ESR1: variants seen among roughly 807,000 people sequenced by gnomAD.
ESR1 encodes the protein estrogen receptor.
ESR1 carries 12 observed loss-of-function variants against 52.7 expected under a neutral mutation model. The observed-to-expected ratio is 0.23, with a 90% confidence interval of 0.15 to 0.37. The LOEUF (loss-of-function observed/expected upper bound fraction) is 0.37, where lower values mean the gene tolerates loss of function less well. Among genes scored for constraint, ESR1 ranks in the 10% least tolerant of loss-of-function variants. The probability of loss-of-function intolerance (pLI) is 1.00; values close to 1 mark genes in which losing one functional copy is unlikely to be tolerated. For synonymous variants in ESR1, 305 were observed against 316.8 expected (o/e 0.96, Z 0.39); for missense variants, 584 against 779.7 (o/e 0.75, Z 2.99).
At chr6:151,943,921 G>A (rs1229529161) in intron 3 of ESR1, among the ~76,000 whole-genome samples, 5 of 152,138 alleles carry the variant, frequency 3.3e-5, no homozygotes, top group Non-Finnish European at 5.9e-5. Flanking sequence ...CCTGAAGTTT[G>A]TTATGGTGGT....
upstream of ESR1, among the ~76,000 whole-genome samples, chr6:151,806,555 T>TATATATAC (rs1408302409): frequency 4.2e-5 from 6 of 142,684 alleles, no homozygotes; most frequent in Non-Finnish European, 7.6e-5. Flanking sequence ...TATATATATA[T>TATATATAC]ATACACATAT....
At position 151,670,762 on chromosome 6, in the gene ESR1, G is replaced by GTTTT. The variant is rs35606990; in HGVS notation, n.73+14019_73+14022dup. 2.8e-3 allele frequency among the ~76,000 whole-genome samples: 240 copies of GTTTT among 85,742 alleles called. 1 individual carries two copies. The highest frequency in any genetic ancestry group is 4.6e-3 in the African/African-American group (93 of 20,254). 56.3% of individuals were successfully genotyped at this position (85,742 alleles called of 152,430 possible). On this transcript the variant is annotated intron_variant and non_coding_transcript_variant, in intron 1 of 2. Coordinates refer to the ESR1 transcript ENST00000473497. ...TTACACCCAGCTAATTTTTGTTTTC[G>GTTTT]TTTTTTTTTTTTTTTTTTTTTTTGA...
chr6:152,044,139 G>A (rs1024216224), intron 5 of ESR1, among the ~76,000 whole-genome samples: 1 of 152,072 alleles, frequency 6.6e-6, no homozygotes, highest in Non-Finnish European at 1.5e-5. Flanking sequence ...AAAGGTATTA[G>A]GTATAAAGTC....
intron 2 of ESR1, among the ~76,000 whole-genome samples, chr6:151,844,813 A>T (rs887170847): frequency 2.6e-5 from 4 of 152,234 alleles, no homozygotes; most frequent in African/African-American, 9.6e-5. Flanking sequence ...AAATAAAAAA[A>T]AAGTGTAAGA....
intron 4 of ESR1, among the ~76,000 whole-genome samples, chr6:151,982,302 A>G (rs728524): frequency 0.093 from 14,086 of 152,214 alleles, 1,329 homozygotes; most frequent in African/African-American, 0.24. Context: ...AAAGGCGCTT[A>G]TGTTTCCTTT....
chr6:152,038,544 C>G (rs548642713), intron 5 of ESR1, among the ~76,000 whole-genome samples: 2 of 152,176 alleles, frequency 1.3e-5, no homozygotes, highest in Admixed American at 6.5e-5. Flanking sequence ...ATACAACTAT[C>G]GTTCATACAA....
At chr6:151,720,951 T>A (rs1429680580) in intron 2 of ESR1, among the ~76,000 whole-genome samples, 1 of 152,196 alleles carries the variant, frequency 6.6e-6, no homozygotes, top group African/African-American at 2.4e-5. Context: ...GACACTATGG[T>A]AGGTGCTGGT....
In ESR1 at chr6:151,858,012, A is replaced by T. The variant is rs188460192; in HGVS notation, c.643+15225A>T. On this transcript the variant is annotated intron_variant, in intron 2 of 7. Coordinates refer to ENST00000206249, the MANE Select transcript of ESR1 (RefSeq NM_000125.4). ...AAATCCATGCTGCAATTGATTAATT[A>T]TATACTAACTTTTTTTTACTCTTCC... 6.7e-4 allele frequency among the ~76,000 whole-genome samples: 102 copies of T among 152,330 alleles called. 1 individual carries two copies. Among genetic ancestry groups the T allele is most frequent in the Non-Finnish European group, 9.8e-4 (67 of 68,030 alleles).
chr6:151,920,688 T>C (rs1408732092), intron 3 of ESR1, among the ~76,000 whole-genome samples: 1 of 152,136 alleles, frequency 6.6e-6, no homozygotes, highest in African/African-American at 2.4e-5. Context: ...TTGTCTGATG[T>C]TTTCCTCATG....
intron 2 of ESR1, among the ~76,000 whole-genome samples, chr6:151,784,567 A>G (rs1236039840): frequency 6.6e-6 from 1 of 152,198 alleles, no homozygotes; most frequent in Non-Finnish European, 1.5e-5. Flanking sequence ...AAGTGCTAAG[A>G]TCAGAGAAAA....
chr6:151,679,000 A>G (rs1317286674), intron 1 of ESR1, among the ~76,000 whole-genome samples: 1 of 152,104 alleles, frequency 6.6e-6, no homozygotes, highest in Non-Finnish European at 1.5e-5. Context: ...TGGGTTTTAT[A>G]AACTCTCAGT....
At chr6:151,789,927 G>A (rs1362785223) in intron 2 of ESR1, among the ~76,000 whole-genome samples, 1 of 152,176 alleles carries the variant, frequency 6.6e-6, no homozygotes, top group African/African-American at 2.4e-5. Context: ...GAGGTGGGGA[G>A]AGAGCTAAGG....
At chr6:151,843,458 C>T (rs1784627108) in intron 2 of ESR1, among the ~76,000 whole-genome samples, 1 of 152,124 alleles carries the variant, frequency 6.6e-6, no homozygotes, top group African/African-American at 2.4e-5. Context: ...ATACGGAGAG[C>T]TATACTTTAT....
intron 3 of ESR1, among the ~76,000 whole-genome samples, chr6:151,928,083 C>T (rs1435673845): frequency 1.3e-5 from 2 of 152,018 alleles, no homozygotes; most frequent in Non-Finnish European, 2.9e-5. Flanking sequence ...TTAAAATAAC[C>T]AGTTTTTGTT....
chr6:151,842,820 G>T, intron 2 of ESR1, 33 bp downstream of exon 2: 8 of 1,597,136 alleles, frequency 5.0e-6, no homozygotes, highest in South Asian at 2.2e-5. Context: ...TTCTATTTTT[G>T]ATCCTATGAG....
Position 152,003,412 on chromosome 6 carries a change from T to C in ESR1, c.1097-8244T>C, listed in dbSNP as rs115265984. On this transcript the variant is annotated intron_variant, in intron 4 of 7. Coordinates refer to ENST00000206249, the MANE Select transcript of ESR1 (RefSeq NM_000125.4). ...TATTTTAATGATTTATTTATCTGTC[T>C]ACTTTGCAAAGTCTCCTATGAGGTA... 3.9e-3 allele frequency among the ~76,000 whole-genome samples: 589 copies of C among 151,928 alleles called. 2 individuals carry two copies. The highest frequency in any genetic ancestry group is 0.014 in the African/African-American group (568 of 41,502).
At chr6:151,984,249 C>T (rs1355381067) in intron 4 of ESR1, 1 of 152,032 alleles carries the variant, frequency 6.6e-6, no homozygotes, top group Non-Finnish European at 1.5e-5. Flanking sequence ...TCTGTTGTCT[C>T]ATCAGGTGTT....
At chr6:151,812,765 A>T (rs1779010598) in intron 1 of ESR1, among the ~76,000 whole-genome samples, 1 of 152,172 alleles carries the variant, frequency 6.6e-6, no homozygotes, top group Non-Finnish European at 1.5e-5. Flanking sequence ...TATCTAAAGA[A>T]AGGAAAACAG....
intron 4 of ESR1, among the ~76,000 whole-genome samples, chr6:151,981,585 T>C (rs2039997294): frequency 6.6e-6 from 1 of 152,226 alleles, no homozygotes; most frequent in Non-Finnish European, 1.5e-5. Flanking sequence ...ACATAAGGCA[T>C]TGTTTGATGG....
Sources: allele counts gnomAD v4.1 joint callset (sites outside exome capture counted in the v4.1 genomes callset), GRCh38; gene constraint gnomAD v4.1.1; transcripts MANE v1.5; gene names NCBI Gene and HGNC (gene_info 2026-07-23, HGNC 2026-07-21).